ZMYM5: variants seen among roughly 807,000 people sequenced by gnomAD.
ZMYM5 encodes zinc finger MYM-type protein 5.
A neutral mutation model predicts 61.8 loss-of-function variants in ZMYM5; 41 were observed. The observed-to-expected ratio is 0.66, with a 90% CI of 0.52 to 0.86. ZMYM5 has a LOEUF of 0.86. Among genes scored for constraint, ZMYM5 ranks in the 40% least tolerant of loss-of-function variants. The pLI is 0.00. For missense variants in ZMYM5, 706 were observed against 786.7 expected (o/e 0.90, Z 1.23); for synonymous variants, 257 against 276.4 (o/e 0.93, Z 0.70).
chr13:19,839,092 TA>T, intron 4 of ZMYM5, 107 bp from the exon 5 acceptor site: 1 of 1,387,484 alleles, frequency 7.2e-7, no homozygotes. Context: ...GGCAGGCGTA[TA>T]AACATGTGGT....
At chr13:19,857,931 T>C (rs1008561073) in intron 2 of ZMYM5, among the ~76,000 whole-genome samples, 1 of 152,088 alleles carries the variant, frequency 6.6e-6, no homozygotes. Flanking sequence ...AAGGATGGCT[T>C]GAGCCCAGGG....
chr13:19,860,900 G>T lies in ZMYM5; in HGVS notation c.-11+1499C>A, dbSNP rs948236392. ...TATCTCAGGTGGGGGGGGGGGAATT[G>T]TATCTCCCACTAACTATATGCATGT... On this transcript the variant is annotated intron_variant, in intron 2 of 7. Coordinates refer to ENST00000337963, the MANE Select transcript of ZMYM5 (RefSeq NM_001142684.2). 8.7e-5 allele frequency among the ~76,000 whole-genome samples: 13 copies of T among 149,504 alleles called. No homozygotes were observed. In the South Asian group the frequency reaches 2.3e-3, roughly 27 times the overall value.
At chr13:19,863,214 G>T in intron 1 of ZMYM5, among the ~76,000 whole-genome samples, 1 of 58,418 alleles carries the variant, frequency 1.7e-5, no homozygotes, top group South Asian at 5.3e-4. Context: ...CCGCCTCCCC[G>T]CCGGCCCCGC....
In ZMYM5 at chr13:19,830,237, T is replaced by C. The variant is rs919693346; in HGVS notation, c.1252-5002A>G. Among the ~76,000 whole-genome samples, 5 of 152,232 alleles carry C rather than the reference T, an allele frequency of 3.3e-5. No homozygotes were observed. In the East Asian group the frequency reaches 9.6e-4, roughly 29 times the overall value. On this transcript the variant is annotated intron_variant, in intron 7 of 7. Coordinates refer to ENST00000337963, the MANE Select transcript of ZMYM5 (RefSeq NM_001142684.2). ...GTGCAAGATTTCAGTTTTTTTCTTA[T>C]GTGTTGGCCTTTTCAGAAGGCTGTC...
rs1398088722 is a variant in ZMYM5, at chr13:19,823,697, T to A, written c.*780A>T. The A allele has an allele frequency of 1.3e-5, 2 of 152,214 alleles. No individual in the cohort carries two copies. Among genetic ancestry groups the A allele is most frequent in the South Asian group, 4.1e-4 (2 of 4,832 alleles). 9.4% of individuals were successfully genotyped at this position (152,214 alleles called of 1,614,324 possible). On this transcript the variant is annotated 3_prime_UTR_variant, in exon 8 of 8. Coordinates refer to ENST00000337963, the MANE Select transcript of ZMYM5 (RefSeq NM_001142684.2). ...AGTATTTGGTTTAATAGCAAAAAGC[T>A]GTAGTTTCAGATCCCATTCTGTAAA... is the stretch of plus-strand genomic sequence containing the variant.
intron 2 of ZMYM5, among the ~76,000 whole-genome samples, chr13:19,857,397 A>G (rs948180379): frequency 1.3e-5 from 2 of 152,242 alleles, no homozygotes; most frequent in Non-Finnish European, 2.9e-5. Context: ...ACTTTGACCT[A>G]TTTAGCTCTT....
chr13:19,849,245 T>C (rs1256854855), intron 4 of ZMYM5, among the ~76,000 whole-genome samples: 1 of 152,114 alleles, frequency 6.6e-6, no homozygotes. Context: ...CGCAGCTTCC[T>C]TAAGTGCTGA....
intron 6 of ZMYM5, 99 bp from the exon 7 acceptor site, chr13:19,835,788 C>T (rs868728459): frequency 3.5e-6 from 3 of 865,170 alleles, no homozygotes; most frequent in Middle Eastern, 4.7e-4. Context: ...CAAAGAATCC[C>T]TAATCATATC....
At chr13:19,839,029 G>A (rs1952770817) in intron 4 of ZMYM5, 44 bp from the exon 5 acceptor site, 1 of 1,579,564 alleles carries the variant, frequency 6.3e-7, no homozygotes, top group Non-Finnish European at 8.6e-7. Flanking sequence ...AAATCAAAAT[G>A]TACATCAGAA....
chr13:19,849,716 A>G (rs1345985859), intron 4 of ZMYM5, among the ~76,000 whole-genome samples: 1 of 152,214 alleles, frequency 6.6e-6, no homozygotes, highest in Admixed American at 6.5e-5. Flanking sequence ...GCGGTGGCTC[A>G]GGCCTGTAAT....
In ZMYM5 at chr13:19,851,370, T is replaced by G. The variant is rs754054221; in HGVS notation, c.571A>C (p.Thr191Pro). Residue 191 changes from threonine (T) to proline (P), a missense_variant, in exon 4 of 8, where the codon ACT becomes CCT. Transcript: ENST00000337963. ...GDLFQNGEFA[T>P]HHSPDSWISQ... ...TACTGCTTACCAGGACTATGATGAGTTGCAAATTCTCCATTCTGAAATAAG... is the reference window on the plus strand; with the variant it reads ...TACTGCTTACCAGGACTATGATGAGGTGCAAATTCTCCATTCTGAAATAAG... 1.2e-6 allele frequency: 2 copies of G among 1,613,800 alleles called. No individual in the cohort carries two copies. The highest frequency in any genetic ancestry group is 2.7e-5 in the African/African-American group (2 of 74,886).
At chr13:19,837,578 A>G (rs759414316) in intron 6 of ZMYM5, 78 bp downstream of exon 6, 6 of 1,608,288 alleles carry the variant, frequency 3.7e-6, no homozygotes, top group Non-Finnish European at 5.1e-6. Context: ...TATGTAGATG[A>G]AAGAGTACAT....
chr13:19,838,810 T>G lies in ZMYM5; in HGVS notation c.762A>C (p.Gly254=). ...ATCCTTTTCGTTGATAAGCTGTCTG[T>G]CCCTTCTGTAAAGGCTTTTTGCAAT... ...CANCKKPLQK[G]QTAYQRKGSA... Residue 254 remains glycine, a synonymous_variant, in exon 5 of 8, where the codon GGA becomes GGC. Transcript: ENST00000337963. 1.2e-6 allele frequency: 2 copies of G among 1,614,176 alleles called. No individual in the cohort carries two copies. The highest frequency in any genetic ancestry group is 1.7e-6 in the Non-Finnish European group (2 of 1,180,038).
intron 2 of ZMYM5, among the ~76,000 whole-genome samples, chr13:19,860,101 C>CA (rs537760988): frequency 0.18 from 5,480 of 30,434 alleles, 482 homozygotes; most frequent in African/African-American, 0.26. Flanking sequence ...AAGACTGTCT[C>CA]AAAAAAAAAA....
chr13:19,832,451 C>T lies in ZMYM5; in HGVS notation c.1251+3026G>A, dbSNP rs145812906. 4.1e-3 allele frequency among the ~76,000 whole-genome samples: 624 copies of T among 151,778 alleles called. 2 individuals are homozygous for T. Among genetic ancestry groups the T allele is most frequent in the African/African-American group, 0.015 (603 of 41,352 alleles). On this transcript the variant is annotated intron_variant, in intron 7 of 7. Transcript: ENST00000337963. Reference sequence around the variant, plus strand: ...AAGTGATTCTCTTTCCTCAGCCTCCCGAGTAGTTGGGATTACAGGCACACA... The same window carrying T: ...AAGTGATTCTCTTTCCTCAGCCTCCTGAGTAGTTGGGATTACAGGCACACA...
intron 4 of ZMYM5, among the ~76,000 whole-genome samples, chr13:19,841,669 T>C (rs971216488): frequency 2.8e-4 from 42 of 151,666 alleles, no homozygotes; most frequent in African/African-American, 9.7e-4. Flanking sequence ...GAGCAAATTC[T>C]AAATTTAGGT....
intron 5 of ZMYM5, 61 bp downstream of exon 5, chr13:19,838,639 A>C: frequency 6.4e-7 from 1 of 1,567,634 alleles, no homozygotes; most frequent in Non-Finnish European, 8.7e-7. Flanking sequence ...AGTTATATTG[A>C]GTACTTATTT....
chr13:19,854,382 T>TGA (rs995888783), intron 2 of ZMYM5, among the ~76,000 whole-genome samples: 6 of 152,168 alleles, frequency 3.9e-5, no homozygotes, highest in African/African-American at 9.7e-5. Context: ...CCCAGTACTT[T>TGA]GAGAGGCTGA....
chr13:19,840,739 C>T (rs111661086), intron 4 of ZMYM5, among the ~76,000 whole-genome samples: 14,912 of 151,596 alleles, frequency 0.098, 864 homozygotes, highest in African/African-American at 0.16. Context: ...TGCAGTGGTG[C>T]GATCTCGGCT....
Sources: gnomAD v4.1 joint callset for allele counts (sites outside exome capture counted in the v4.1 genomes callset) on GRCh38, gnomAD v4.1.1 for gene constraint, MANE v1.5 for transcripts, NCBI Gene and HGNC (gene_info 2026-07-23, HGNC 2026-07-21) for gene names.